ROBO1: variants seen among roughly 807,000 people sequenced by gnomAD.
The protein encoded by ROBO1 is roundabout homolog 1.
Under a neutral mutation model 195.9 loss-of-function variants are expected in ROBO1, and 149 were observed. The observed-to-expected ratio is 0.76, with a 90% CI of 0.67 to 0.87. The LOEUF (loss-of-function observed/expected upper bound fraction) is 0.87, where lower values mean the gene tolerates loss of function less well. ROBO1 is among the 40% of genes least tolerant of loss of function. The pLI is 0.00. For synonymous variants in ROBO1, 816 were observed against 733.2 expected, an observed-to-expected ratio of 1.11 and a Z score of -1.82; for missense variants, 1,933 against 2,068.3, an observed-to-expected ratio of 0.93 and a Z score of 1.27.
chr3:79,068,004 T>G (rs772558996), intron 3 of ROBO1, among the ~76,000 whole-genome samples: 26 of 151,630 alleles, frequency 1.7e-4, no homozygotes, highest in Non-Finnish European at 3.7e-4. Context: ...TGCCCCAGAG[T>G]GAGTGATCCA....
At chr3:79,629,980 A>G (rs1046015464) in intron 1 of ROBO1, among the ~76,000 whole-genome samples, 15 of 152,014 alleles carry the variant, frequency 9.9e-5, no homozygotes, top group South Asian at 6.2e-4. Flanking sequence ...GAGTAATAAA[A>G]TTGAATCAGT....
At chr3:79,053,524 C>A (rs1490361851) in intron 3 of ROBO1, among the ~76,000 whole-genome samples, 1 of 151,986 alleles carries the variant, frequency 6.6e-6, no homozygotes, top group African/African-American at 2.4e-5. Flanking sequence ...TCTACAGGCC[C>A]TCCCCCATCC....
intron 3 of ROBO1, among the ~76,000 whole-genome samples, chr3:79,051,682 C>T (rs1464462563): frequency 6.6e-6 from 1 of 151,968 alleles, no homozygotes; most frequent in Non-Finnish European, 1.5e-5. Flanking sequence ...AAGTCAGGGA[C>T]CCTGAATGGA....
intron 1 of ROBO1, among the ~76,000 whole-genome samples, chr3:79,734,263 C>CTGGA (rs1339631073): frequency 1.3e-5 from 2 of 152,168 alleles, no homozygotes; most frequent in East Asian, 1.9e-4. Context: ...TCTATTTTAA[C>CTGGA]TGTTTTCTTT....
At chr3:79,538,165 T>C (rs533305807) in intron 2 of ROBO1, among the ~76,000 whole-genome samples, 2 of 152,238 alleles carry the variant, frequency 1.3e-5, no homozygotes, top group East Asian at 3.9e-4. Context: ...GTAACATTAT[T>C]ACATGTGTGG....
intron 2 of ROBO1, among the ~76,000 whole-genome samples, chr3:79,208,718 TGTGC>T (rs1292897315): frequency 1.3e-5 from 2 of 151,144 alleles, no homozygotes; most frequent in African/African-American, 2.4e-5. Context: ...TGTGTGTGTG[TGTGC>T]GCCTGCATGC....
chr3:79,547,787 A>G lies in ROBO1; in HGVS notation c.88+42037T>C, dbSNP rs541680592. ...TGGGAATCCAAGAAAATAGAAATTT[A>G]TCTCTTTGTTTTTCTAACTAATGCT... On this transcript the variant is annotated intron_variant, in intron 2 of 30. Coordinates refer to ENST00000464233, the MANE Select transcript of ROBO1 (RefSeq NM_002941.4). Among the ~76,000 whole-genome samples, 8 of 152,306 alleles carry G rather than the reference A, an allele frequency of 5.3e-5. No homozygotes were observed. The South Asian group carries it at 1.7e-3, about 32-fold the overall frequency.
chr3:79,393,755 A>C (rs2037039668), intron 2 of ROBO1, among the ~76,000 whole-genome samples: 1 of 152,228 alleles, frequency 6.6e-6, no homozygotes, highest in Non-Finnish European at 1.5e-5. Context: ...TCTTTATAAC[A>C]GGTAATAGAA....
chr3:78,944,423 A>G (rs1269940443), intron 3 of ROBO1, among the ~76,000 whole-genome samples: 3 of 152,322 alleles, frequency 2.0e-5, no homozygotes, highest in Admixed American at 6.5e-5. Context: ...ATAAGCCAGA[A>G]AGTGAGCCCT....
At chr3:79,528,123 TATATC>T (rs1264549365) in intron 2 of ROBO1, among the ~76,000 whole-genome samples, 10 of 152,184 alleles carry the variant, frequency 6.6e-5, no homozygotes, top group Admixed American at 5.2e-4. Flanking sequence ...TCCAATTACT[TATATC>T]TTAGAGCAGA....
At chr3:79,523,999 A>G (rs1457709837) in intron 2 of ROBO1, among the ~76,000 whole-genome samples, 1 of 152,132 alleles carries the variant, frequency 6.6e-6, no homozygotes. Context: ...ATTATGAGAA[A>G]GTAATCTACC....
intron 1 of ROBO1, among the ~76,000 whole-genome samples, chr3:79,613,909 A>T (rs1263498961): frequency 6.6e-6 from 1 of 152,090 alleles, no homozygotes; most frequent in East Asian, 1.9e-4. Flanking sequence ...CCAACTCAGA[A>T]CATTACCAAG....
At chr3:78,833,989 A>G (rs2032470010) in intron 4 of ROBO1, among the ~76,000 whole-genome samples, 2 of 152,186 alleles carry the variant, frequency 1.3e-5, no homozygotes, top group Non-Finnish European at 2.9e-5. Context: ...GGGGATGGGA[A>G]GCTTATTTAA....
intron 2 of ROBO1, among the ~76,000 whole-genome samples, chr3:79,395,340 A>AAAGAAAGAAAGAAAGAAAG (rs1553733529): frequency 8.4e-6 from 1 of 119,062 alleles, no homozygotes; most frequent in African/African-American, 3.1e-5. Context: ...AAAAAAAAAA[A>AAAGAAAGAAAGAAAGAAAG]AAAGAAAGAA....
At chr3:79,635,844 C>G (rs1945480268) in intron 1 of ROBO1, among the ~76,000 whole-genome samples, 1 of 152,068 alleles carries the variant, frequency 6.6e-6, no homozygotes. Flanking sequence ...CCCTTCTAAG[C>G]CTAGATTCCT....
At chr3:79,559,934 A>AT (rs1286787169) in intron 2 of ROBO1, among the ~76,000 whole-genome samples, 2 of 152,054 alleles carry the variant, frequency 1.3e-5, no homozygotes, top group Admixed American at 6.6e-5. Context: ...AAAAATGCTG[A>AT]TATTTTACAT....
chr3:78,597,845 A>G lies in ROBO1; in HGVS notation c.*1068T>C, dbSNP rs1008513557. 1 of 152,234 alleles carries G rather than the reference A, an allele frequency of 6.6e-6. No homozygotes were observed. Among genetic ancestry groups the G allele is most frequent in the East Asian group, 1.9e-4 (1 of 5,180 alleles). The allele number at this position is 152,234 out of a possible 1,614,324, so 9.4% of individuals were successfully genotyped here. A position where few individuals can be genotyped will look rare whatever the true frequency, so the allele number is the denominator to read the frequency against. On this transcript the variant is annotated 3_prime_UTR_variant, in exon 31 of 31. Transcript: ENST00000464233. ...CAAATACAAACATAGAGCATTAACAAAACAGGTTAAAAACGCTTCTCAACA... is the reference window on the plus strand; with the variant it reads ...CAAATACAAACATAGAGCATTAACAGAACAGGTTAAAAACGCTTCTCAACA...
intron 2 of ROBO1, among the ~76,000 whole-genome samples, chr3:79,580,288 G>A (rs182139564): frequency 2.2e-4 from 33 of 151,806 alleles, no homozygotes; most frequent in African/African-American, 7.7e-4. Flanking sequence ...CCTGACAAAC[G>A]TGGTGAAACC....
At chr3:78,776,497 A>G (rs2108456059) in intron 4 of ROBO1, among the ~76,000 whole-genome samples, 1 of 152,154 alleles carries the variant, frequency 6.6e-6, no homozygotes, top group South Asian at 2.1e-4. Flanking sequence ...TGATCCACCC[A>G]CCTTGGCCTC....
Sources: allele counts gnomAD v4.1 joint callset (sites outside exome capture counted in the v4.1 genomes callset), GRCh38; gene constraint gnomAD v4.1.1; transcripts MANE v1.5; gene names NCBI Gene and HGNC (gene_info 2026-07-23, HGNC 2026-07-21).